Variants in AGXT2 observed in about 807,000 individuals in gnomAD.
The protein encoded by AGXT2 is alanine--glyoxylate aminotransferase 2.
In AGXT2, 61 loss-of-function variants were observed where a neutral mutation model predicts 62.5. The ratio of observed to expected loss-of-function variants is 0.98; its 90% CI spans 0.79 to 1.21. The LOEUF (loss-of-function observed/expected upper bound fraction) is 1.21. Ranked by LOEUF, AGXT2 falls within the 50% of genes most tolerant of loss-of-function variation. AGXT2 has a pLI of 0.00. For synonymous variants in AGXT2, 243 were observed against 218.7 expected (o/e 1.11, Z -0.98); for missense variants, 666 against 641.5 (o/e 1.04, Z -0.41).
chr5:35,025,151 G>A (rs1450635028), intron 9 of AGXT2, among the ~76,000 whole-genome samples: 2 of 152,042 alleles, frequency 1.3e-5, no homozygotes, highest in African/African-American at 2.4e-5. Flanking sequence ...CAAGGCGGGC[G>A]GATCACTTGA....
At chr5:35,001,576 T>C (rs931064307) in intron 13 of AGXT2, among the ~76,000 whole-genome samples, 2 of 152,186 alleles carry the variant, frequency 1.3e-5, no homozygotes, top group Admixed American at 6.5e-5. Flanking sequence ...TTTATAGGCT[T>C]GTTGGGAGCA....
intron 4 of AGXT2, 55 bp from the exon 5 acceptor site, chr5:35,035,371 C>A: frequency 6.7e-7 from 1 of 1,493,876 alleles, no homozygotes; most frequent in Non-Finnish European, 9.3e-7. Context: ...ATTACCCATT[C>A]ACTTAAAATT....
At chr5:35,013,462 T>C (rs565834615) in intron 10 of AGXT2, among the ~76,000 whole-genome samples, 1 of 152,256 alleles carries the variant, frequency 6.6e-6, no homozygotes, top group South Asian at 2.1e-4. Context: ...CATGGGAGAA[T>C]TAGTCTTCCC....
intron 4 of AGXT2, 116 bp downstream of exon 4, chr5:35,036,826 C>A: frequency 6.6e-7 from 1 of 1,507,014 alleles, no homozygotes. Flanking sequence ...TGCCCATGTC[C>A]CTGCTTCCTA....
chr5:35,020,725 G>A (rs1025843743), intron 9 of AGXT2, among the ~76,000 whole-genome samples: 156 of 152,306 alleles, frequency 1.0e-3, no homozygotes, highest in Non-Finnish European at 8.4e-4. Context: ...TCTGGCCAGG[G>A]CAATTAGGTA....
chr5:35,037,910 A>G (rs1258419457), intron 3 of AGXT2, among the ~76,000 whole-genome samples: 1 of 152,196 alleles, frequency 6.6e-6, no homozygotes, highest in African/African-American at 2.4e-5. Flanking sequence ...GGCTTTGAAA[A>G]CACAAACCAA....
intron 4 of AGXT2, 88 bp downstream of exon 4, chr5:35,036,854 T>C: frequency 6.3e-7 from 1 of 1,595,600 alleles, no homozygotes; most frequent in Non-Finnish European, 8.5e-7. Flanking sequence ...TCCCCTAGAA[T>C]CATAAGACTC....
chr5:35,008,879 A>G (rs1349922398), intron 12 of AGXT2, among the ~76,000 whole-genome samples: 2 of 152,192 alleles, frequency 1.3e-5, no homozygotes, highest in African/African-American at 4.8e-5. Context: ...CCTACTCCCA[A>G]GATTCTCCTG....
intron 9 of AGXT2, among the ~76,000 whole-genome samples, chr5:35,021,297 G>A (rs1158202350): frequency 6.6e-6 from 1 of 152,042 alleles, no homozygotes; most frequent in Admixed American, 6.6e-5. Flanking sequence ...AAAGCTGGAG[G>A]CATCACACTA....
chr5:35,040,783 T>A, intron 1 of AGXT2, 120 bp from the exon 2 acceptor site: 1 of 821,680 alleles, frequency 1.2e-6, no homozygotes, highest in Non-Finnish European at 2.1e-6. Context: ...TAAAAAATCA[T>A]GCTAATCAGC....
intron 9 of AGXT2, among the ~76,000 whole-genome samples, chr5:35,024,636 T>G (rs1176899811): frequency 1.3e-5 from 2 of 152,208 alleles, no homozygotes; most frequent in African/African-American, 4.8e-5. Context: ...TTGGTGGTAC[T>G]CCTCTAATTT....
intron 4 of AGXT2, 79 bp from the exon 5 acceptor site, chr5:35,035,395 T>A: frequency 3.3e-6 from 4 of 1,196,720 alleles, no homozygotes; most frequent in South Asian, 1.2e-5. Flanking sequence ...GAAGGGCAGG[T>A]GTCCAGCCCC....
intron 3 of AGXT2, among the ~76,000 whole-genome samples, chr5:35,037,363 T>C (rs1767816473): frequency 6.6e-6 from 1 of 152,216 alleles, no homozygotes. Flanking sequence ...GAATTTCTTC[T>C]AGCTATGCTT....
At chr5:35,024,910 T>C (rs527811537) in intron 9 of AGXT2, among the ~76,000 whole-genome samples, 2 of 151,620 alleles carry the variant, frequency 1.3e-5, no homozygotes, top group African/African-American at 4.8e-5. Context: ...GCAGAGGCTG[T>C]GGTGAGCTGA....
In AGXT2 at chr5:35,003,734, C is replaced by A. The variant is rs766135430; in HGVS notation, c.1437+29G>T. ...AAATCAGAGAGACTCCTACCTAGAG[C>A]GATAGGTAAAAACCAGTCTTTCTCT... On this transcript the variant is annotated intron_variant, in intron 13 of 13. Transcript: ENST00000231420. 1.5e-5 allele frequency: 23 copies of A among 1,581,434 alleles called. No individual in the cohort carries two copies. In the Middle Eastern group the frequency reaches 1.3e-3, roughly 91 times the overall value.
intron 9 of AGXT2, 59 bp from the exon 10 acceptor site, chr5:35,014,178 G>T: frequency 6.2e-7 from 1 of 1,609,804 alleles, no homozygotes; most frequent in Non-Finnish European, 8.5e-7. Flanking sequence ...TTTCGACAGG[G>T]CGCGGTGGCT....
At chr5:35,036,742 T>G (rs1047518152) in intron 4 of AGXT2, among the ~76,000 whole-genome samples, 200 bp downstream of exon 4, 3 of 152,162 alleles carry the variant, frequency 2.0e-5, no homozygotes, top group African/African-American at 7.2e-5. Context: ...TAAATTCCCT[T>G]CTTCTGTCTG....
Position 35,040,515 on chromosome 5 carries a change from C to T in AGXT2, c.177+60G>A, listed in dbSNP as rs975499011. On this transcript the variant is annotated intron_variant, in intron 2 of 13. Transcript: ENST00000231420. Reference sequence around the variant, plus strand: ...TTTGTGTCATTCTTAAGGAAACAATCATTTGAGACCTCCCCAGAGAAACTA... The same window carrying T: ...TTTGTGTCATTCTTAAGGAAACAATTATTTGAGACCTCCCCAGAGAAACTA... The T allele has an allele frequency of 4.0e-6, 6 of 1,482,716 alleles. No individual in the cohort carries two copies. The African/African-American group carries it at 8.3e-5, about 21-fold the overall frequency. 91.8% of individuals were successfully genotyped at this position (1,482,716 alleles called of 1,614,324 possible). A position where few individuals can be genotyped will look rare whatever the true frequency, so the allele number is the denominator to read the frequency against.
chr5:35,010,527 A>G (rs892089829), intron 11 of AGXT2, among the ~76,000 whole-genome samples: 3 of 151,960 alleles, frequency 2.0e-5, no homozygotes, highest in African/African-American at 7.3e-5. Flanking sequence ...TAAAAAAAAA[A>G]TACAAAAATT....
Sources: gnomAD v4.1 joint callset for allele counts (sites outside exome capture counted in the v4.1 genomes callset) on GRCh38, gnomAD v4.1.1 for gene constraint, MANE v1.5 for transcripts, NCBI Gene and HGNC (gene_info 2026-07-23, HGNC 2026-07-21) for gene names.